Variants in KLF12 observed in about 807,000 individuals in gnomAD.
The protein encoded by KLF12 is KLF transcription factor 12.
KLF12 carries 9 observed loss-of-function variants against 37.8 expected under a neutral mutation model. That is an observed-to-expected ratio of 0.24 (90% CI 0.14 to 0.42). The LOEUF (loss-of-function observed/expected upper bound fraction) is 0.42. Ranked by LOEUF, KLF12 falls within the 10% of genes least tolerant of loss-of-function variation. KLF12 has a pLI of 1.00. For synonymous variants in KLF12, 208 were observed against 202.1 expected (o/e 1.03, Z -0.25); for missense variants, 411 against 516.0 (o/e 0.80, Z 1.97).
At chr13:73,968,791 A>C (rs1891244219) in intron 2 of KLF12, among the ~76,000 whole-genome samples, 1 of 152,254 alleles carries the variant, frequency 6.6e-6, no homozygotes, top group Admixed American at 6.5e-5. Context: ...TCAGGAACTT[A>C]AAAAACCACA....
At chr13:73,833,957 A>C (rs1301436297) in intron 4 of KLF12, among the ~76,000 whole-genome samples, 2 of 152,202 alleles carry the variant, frequency 1.3e-5, no homozygotes, top group Non-Finnish European at 2.9e-5. Context: ...CATCTCACAC[A>C]AAACACTGTT....
intron 1 of KLF12, among the ~76,000 whole-genome samples, chr13:74,001,175 A>G (rs1393662536): frequency 6.6e-6 from 1 of 152,182 alleles, no homozygotes; most frequent in Admixed American, 6.5e-5. Flanking sequence ...TCTTAATCCC[A>G]TCTATCAGGA....
intron 5 of KLF12, among the ~76,000 whole-genome samples, chr13:73,782,520 G>T (rs1881029503): frequency 6.6e-6 from 1 of 152,198 alleles, no homozygotes; most frequent in Non-Finnish European, 1.5e-5. Context: ...AGTTTATCAT[G>T]AAGAAATGTT....
chr13:73,861,186 A>G (rs1885907530), intron 3 of KLF12, among the ~76,000 whole-genome samples: 1 of 152,148 alleles, frequency 6.6e-6, no homozygotes, highest in Non-Finnish European at 1.5e-5. Flanking sequence ...GGGGTGTAAT[A>G]CATGGCATGA....
At chr13:74,218,021 C>A in the KLF12 span, among the ~76,000 whole-genome samples, 11 of 152,242 alleles carry the variant, frequency 7.2e-5, no homozygotes, top group African/African-American at 2.6e-4. Context: ...TGGAATGAAG[C>A]TGTGGGCTTA....
At chr13:73,788,633 C>A (rs1881491473) in intron 5 of KLF12, among the ~76,000 whole-genome samples, 1 of 145,894 alleles carries the variant, frequency 6.9e-6, no homozygotes, top group Non-Finnish European at 1.5e-5. Context: ...TCTATAAATG[C>A]CTGCTAATTT....
intron 4 of KLF12, among the ~76,000 whole-genome samples, chr13:73,827,723 C>A (rs141966541): frequency 3.9e-5 from 6 of 152,038 alleles, no homozygotes; most frequent in African/African-American, 1.4e-4. Flanking sequence ...TCACCATGCT[C>A]GGCTAATTTT....
the KLF12 span, among the ~76,000 whole-genome samples, chr13:74,205,867 T>C: frequency 1.3e-5 from 2 of 152,082 alleles, no homozygotes; most frequent in African/African-American, 2.4e-5. Context: ...ATTTTTATAG[T>C]AGGGAGAGAA....
At chr13:74,056,966 G>T (rs1188601852) in intron 1 of KLF12, among the ~76,000 whole-genome samples, 1 of 152,142 alleles carries the variant, frequency 6.6e-6, no homozygotes, top group Non-Finnish European at 1.5e-5. Flanking sequence ...CCCAGAAGTG[G>T]GTGTGGGCAC....
intron 1 of KLF12, among the ~76,000 whole-genome samples, chr13:74,127,714 T>C (rs1442211838): frequency 6.6e-6 from 1 of 152,244 alleles, no homozygotes; most frequent in Non-Finnish European, 1.5e-5. Flanking sequence ...AAATAGGTAT[T>C]CAATAAATGT....
chr13:74,289,404 G>A, the KLF12 span, among the ~76,000 whole-genome samples: 8 of 152,196 alleles, frequency 5.3e-5, no homozygotes, highest in South Asian at 6.2e-4. Flanking sequence ...TTAAGGACAT[G>A]CAATAGTGGA....
chr13:73,788,343 T>C (rs1177877061), intron 5 of KLF12, among the ~76,000 whole-genome samples: 12 of 152,250 alleles, frequency 7.9e-5, no homozygotes, highest in Non-Finnish European at 4.4e-5. Flanking sequence ...TCAAGCCAAA[T>C]GCATCATTCC....
intron 1 of KLF12, among the ~76,000 whole-genome samples, chr13:74,073,610 T>C (rs1220327871): frequency 1.3e-5 from 2 of 151,676 alleles, no homozygotes; most frequent in Non-Finnish European, 2.9e-5. Context: ...ACCCAAAGGG[T>C]TACCAAACAA....
At chr13:74,166,901 C>T in the KLF12 span, among the ~76,000 whole-genome samples, 1 of 152,218 alleles carries the variant, frequency 6.6e-6, no homozygotes, top group Non-Finnish European at 1.5e-5. Context: ...CTATCATCTT[C>T]CTTCACCCAA....
At chr13:74,013,184 T>C (rs1376240902) in intron 1 of KLF12, among the ~76,000 whole-genome samples, 1 of 152,228 alleles carries the variant, frequency 6.6e-6, no homozygotes, top group Admixed American at 6.5e-5. Context: ...GTGCCTGAAG[T>C]TACCAAAAGG....
At chr13:74,091,996 A>T (rs1328467474) in intron 1 of KLF12, among the ~76,000 whole-genome samples, 1 of 64,760 alleles carries the variant, frequency 1.5e-5, no homozygotes, top group African/African-American at 3.2e-5. Flanking sequence ...AGCAACCTTT[A>T]AAAAAAAAAA....
chr13:74,089,995 G>A (rs1258067521), intron 1 of KLF12, among the ~76,000 whole-genome samples: 1 of 151,812 alleles, frequency 6.6e-6, no homozygotes, highest in Non-Finnish European at 1.5e-5. Flanking sequence ...TGGAAAGGAA[G>A]AATAAAACTC....
At chr13:74,074,686 A>G (rs1874466079) in intron 1 of KLF12, among the ~76,000 whole-genome samples, 1 of 152,178 alleles carries the variant, frequency 6.6e-6, no homozygotes. Context: ...TTATATAGGT[A>G]AACTCATGTC....
At chr13:73,738,110 TATATATATATATATACAC>T (rs1354185529) in intron 6 of KLF12, among the ~76,000 whole-genome samples, 1 of 90,474 alleles carries the variant, frequency 1.1e-5, no homozygotes, top group African/African-American at 4.5e-5. Flanking sequence ...TATATATATA[TATATATATATATATACAC>T]ACACACACAT....
Sources: gnomAD v4.1 joint callset for allele counts (sites outside exome capture counted in the v4.1 genomes callset) on GRCh38, gnomAD v4.1.1 for gene constraint, MANE v1.5 for transcripts, NCBI Gene and HGNC (gene_info 2026-07-23, HGNC 2026-07-21) for gene names.